Variants in NT5DC1 observed in about 807,000 individuals in gnomAD.
NT5DC1 encodes 5'-nucleotidase domain containing 1.
In NT5DC1, 42 loss-of-function variants were observed where a neutral mutation model predicts 59.4. The ratio of observed to expected loss-of-function variants is 0.71; its 90% CI spans 0.55 to 0.92. The LOEUF (loss-of-function observed/expected upper bound fraction) is 0.92, where lower values mean the gene tolerates loss of function less well. Ranked by LOEUF, NT5DC1 falls within the 40% of genes least tolerant of loss-of-function variation. NT5DC1 has a pLI of 0.00. For synonymous variants in NT5DC1, 172 were observed against 188.1 expected (o/e 0.91, Z 0.70); for missense variants, 501 against 537.1 (o/e 0.93, Z 0.66).
At chr6:116,146,847 T>A (rs988214304) in intron 6 of NT5DC1, among the ~76,000 whole-genome samples, 1 of 151,822 alleles carries the variant, frequency 6.6e-6, no homozygotes, top group African/African-American at 2.4e-5. Context: ...GGCCTATGGA[T>A]AGCCATCTGA....
intron 6 of NT5DC1, among the ~76,000 whole-genome samples, chr6:116,172,317 CTTTTTTTTTTT>C (rs71554843): frequency 1.9e-5 from 2 of 108,028 alleles, no homozygotes; most frequent in African/African-American, 3.6e-5. Flanking sequence ...CCCTTAGTAA[CTTTTTTTTTTT>C]TTTTTTTTTT....
chr6:116,127,558 C>G (rs1216596316), intron 6 of NT5DC1, among the ~76,000 whole-genome samples: 11 of 152,240 alleles, frequency 7.2e-5, no homozygotes, highest in African/African-American at 2.6e-4. Context: ...TCTGCTACAT[C>G]TGTAGGAGAC....
rs1771847700 is a variant in NT5DC1, at chr6:116,246,328, G to T, written c.*2304G>T. 6.6e-6 allele frequency: 1 copy of T among 152,034 alleles called. No homozygotes were observed. The highest frequency in any genetic ancestry group is 2.4e-5 in the African/African-American group (1 of 41,414). 9.4% of individuals were successfully genotyped at this position (152,034 alleles called of 1,614,324 possible). A position where few individuals can be genotyped will look rare whatever the true frequency, so the allele number is the denominator to read the frequency against. On this transcript the variant is annotated 3_prime_UTR_variant, in exon 12 of 12. Coordinates refer to ENST00000319550, the MANE Select transcript of NT5DC1 (RefSeq NM_152729.3). The stretch of plus-strand genomic sequence containing the variant: ...TGACCAAATGTTTTGTCAGAATCTG[G>T]TATTTGGAATACTGAGGTAGTAAAA...
At chr6:116,225,485 G>A (rs895868406) in intron 8 of NT5DC1, among the ~76,000 whole-genome samples, 2 of 152,142 alleles carry the variant, frequency 1.3e-5, no homozygotes, top group Non-Finnish European at 2.9e-5. Flanking sequence ...GAAAACAGTA[G>A]AATACGTGTT....
chr6:116,225,512 G>C (rs771335390), intron 8 of NT5DC1, among the ~76,000 whole-genome samples: 1 of 152,196 alleles, frequency 6.6e-6, no homozygotes, highest in Non-Finnish European at 1.5e-5. Flanking sequence ...CCAGAGGAAA[G>C]AGGAAAGGGT....
chr6:116,178,345 A>C (rs553472898), intron 6 of NT5DC1, among the ~76,000 whole-genome samples: 7 of 152,192 alleles, frequency 4.6e-5, no homozygotes, highest in African/African-American at 1.7e-4. Context: ...GCCCTAGGAC[A>C]CCTTTCTGAA....
chr6:116,217,022 C>T (rs1204790), intron 6 of NT5DC1, among the ~76,000 whole-genome samples: 1,654 of 152,206 alleles, frequency 0.011, 36 homozygotes, highest in African/African-American at 0.038. Flanking sequence ...TCTCTAGTCC[C>T]CTCGGACAGC....
chr6:116,147,104 A>G (rs1779917930), intron 6 of NT5DC1, among the ~76,000 whole-genome samples: 1 of 151,868 alleles, frequency 6.6e-6, no homozygotes, highest in African/African-American at 2.4e-5. Context: ...AATATTAAAA[A>G]AAAACTGCAT....
At chr6:116,116,529 C>CA (rs1362933826) in intron 5 of NT5DC1, among the ~76,000 whole-genome samples, 3 of 152,132 alleles carry the variant, frequency 2.0e-5, no homozygotes, top group African/African-American at 7.2e-5. Flanking sequence ...GTAGTCCCAG[C>CA]TACTAGGGAG....
At chr6:116,119,853 T>A (rs1348018368) in intron 6 of NT5DC1, 2 of 561,628 alleles carry the variant, frequency 3.6e-6, no homozygotes, top group African/African-American at 3.8e-5. Context: ...TTAAAGAGCC[T>A]TAAGATTGCT....
intron 6 of NT5DC1, among the ~76,000 whole-genome samples, chr6:116,153,571 G>A (rs1341269657): frequency 6.6e-6 from 1 of 152,010 alleles, no homozygotes; most frequent in Non-Finnish European, 1.5e-5. Flanking sequence ...ACCTCTGTTA[G>A]GTACTTAGTT....
chr6:116,106,721 TTTGAGTAAGTCTGAATTAGGACAA>T (rs1273858038), intron 2 of NT5DC1, among the ~76,000 whole-genome samples: 1 of 152,188 alleles, frequency 6.6e-6, no homozygotes, highest in Non-Finnish European at 1.5e-5. Flanking sequence ...ATCATCACAT[TTTGAGTAAGTCTGAATTAGGACAA>T]TTGCTTTTCT....
In NT5DC1 at chr6:116,120,969, C is replaced by T. The variant is rs145378345; in HGVS notation, c.529+3024C>T. The T allele has an allele frequency of 1.4e-4, 219 of 1,613,966 alleles. 1 individual carries two copies. The East Asian group carries it at 4.6e-3, about 34-fold the overall frequency. ...GGGTACCCTGGTTTTCCATCTGACC[C>T]AGGGGAACCCCTTTCACCCTTAGCC... On this transcript the variant is annotated intron_variant, in intron 6 of 11. Coordinates refer to ENST00000319550, the MANE Select transcript of NT5DC1 (RefSeq NM_152729.3).
intron 6 of NT5DC1, among the ~76,000 whole-genome samples, chr6:116,161,602 C>A (rs1225156068): frequency 1.3e-5 from 2 of 151,998 alleles, no homozygotes; most frequent in Non-Finnish European, 2.9e-5. Context: ...TATTTTTGTA[C>A]CAGTAGCATG....
At position 116,108,354 on chromosome 6, in the gene NT5DC1, C is replaced by A. The variant is rs750714347; in HGVS notation, c.186-10C>A. 1.6e-5 allele frequency: 25 copies of A among 1,570,428 alleles called. No individual in the cohort carries two copies. The highest frequency in any genetic ancestry group is 3.3e-5 in the Admixed American group (2 of 59,916). On this transcript the variant is annotated splice_polypyrimidine_tract_variant and intron_variant, in intron 2 of 11. Coordinates refer to ENST00000319550, the MANE Select transcript of NT5DC1 (RefSeq NM_152729.3). ...AGGAATTGATTAATAATCAAACTTT[C>A]CTATTTCAGTTGCAAAGGTTTGGCA...
rs189144160 is a variant in NT5DC1 at position 116,228,937 on chromosome 6, A to G, written c.802+5806A>G. Among the ~76,000 whole-genome samples the G allele has an allele frequency of 3.0e-4, 46 of 152,176 alleles. No individual in the cohort carries two copies. The East Asian group carries it at 8.3e-3, about 27-fold the overall frequency. ...ACTGGGAAGCTTTTAACTATCATCT[A>G]TATACTGATGGTTGACATTTCCTTG... On this transcript the variant is annotated intron_variant, in intron 8 of 11. Coordinates refer to ENST00000319550, the MANE Select transcript of NT5DC1 (RefSeq NM_152729.3).
At chr6:116,135,872 T>TATACACACACAC (rs368675402) in intron 6 of NT5DC1, among the ~76,000 whole-genome samples, 3 of 121,314 alleles carry the variant, frequency 2.5e-5, no homozygotes, top group African/African-American at 1.1e-4. Flanking sequence ...TATATATATA[T>TATACACACACAC]ACACACATAC....
In NT5DC1 at chr6:116,125,491, A is replaced by G. The variant is rs748339808; in HGVS notation, c.529+7546A>G. On this transcript the variant is annotated intron_variant, in intron 6 of 11. Transcript: ENST00000319550. ...CAGCAAAAAGGGTATTTGTGGCAGC[A>G]TATTCTCAGATGGATTCTGAAAAAC... The G allele has an allele frequency of 6.8e-6, 11 of 1,613,628 alleles. No homozygotes were observed. The East Asian group carries it at 8.9e-5, about 13-fold the overall frequency.
intron 6 of NT5DC1, among the ~76,000 whole-genome samples, chr6:116,154,029 CTTTTT>C (rs34356532): frequency 1.6e-5 from 2 of 122,324 alleles, no homozygotes; most frequent in African/African-American, 3.1e-5. Flanking sequence ...GGGAAGATTT[CTTTTT>C]TTTTTTTTTT....
Sources: allele counts gnomAD v4.1 joint callset (sites outside exome capture counted in the v4.1 genomes callset), GRCh38; gene constraint gnomAD v4.1.1; transcripts MANE v1.5; gene names NCBI Gene and HGNC (gene_info 2026-07-23, HGNC 2026-07-21).